The following TMEM266 variants were observed in gnomAD, a reference collection of about 807,000 sequenced individuals.
TMEM266 encodes the protein Hv1 related protein 1.
Under a neutral mutation model 50.5 loss-of-function variants are expected in TMEM266, and 33 were observed. The observed-to-expected ratio is 0.65, with a 90% CI of 0.50 to 0.87. The LOEUF is 0.87. Among genes scored for constraint, TMEM266 ranks in the 40% least tolerant of loss-of-function variants. TMEM266 has a pLI of 0.00. For missense variants in TMEM266, 655 were observed against 695.1 expected, an observed-to-expected ratio of 0.94 and a Z score of 0.65; for synonymous variants, 310 against 292.3, an observed-to-expected ratio of 1.06 and a Z score of -0.62.
chr15:76,171,218 A>G, intron 7 of TMEM266, 87 bp downstream of exon 7: 1 of 1,533,052 alleles, frequency 6.5e-7, no homozygotes, highest in South Asian at 1.2e-5. Context: ...TGATGGGGGT[A>G]CACCCTGCTG....
At chr15:76,089,001 T>C (rs893028473) in intron 1 of TMEM266, among the ~76,000 whole-genome samples, 76 of 134,094 alleles carry the variant, frequency 5.7e-4, no homozygotes, top group Admixed American at 1.0e-3. Context: ...AGCTGAGGCA[T>C]GAGAATCGCT....
At chr15:76,194,450 T>C (rs1048926138) in intron 9 of TMEM266, among the ~76,000 whole-genome samples, 1 of 152,230 alleles carries the variant, frequency 6.6e-6, no homozygotes, top group Non-Finnish European at 1.5e-5. Context: ...CCACCTTTCC[T>C]GGTTCCCTGT....
intron 8 of TMEM266, among the ~76,000 whole-genome samples, chr15:76,187,985 CTGGAGCTCTCACT>C (rs2038513973): frequency 6.6e-6 from 1 of 152,114 alleles, no homozygotes; most frequent in South Asian, 2.1e-4. Flanking sequence ...CAGGGGTGTG[CTGGAGCTCTCACT>C]TGCTCACGAG....
Position 76,064,076 on chromosome 15 carries a change from C to T in TMEM266, c.-97+4060C>T, listed in dbSNP as rs117792627. On this transcript the variant is annotated intron_variant, in intron 1 of 10. Coordinates refer to ENST00000388942, the MANE Select transcript of TMEM266 (RefSeq NM_152335.3). ...TGTGGGTTCCCTTGTAATGGGAATG[C>T]ATAATGTTTTTGAAGAACTTCCAAA... Among the ~76,000 whole-genome samples the T allele has an allele frequency of 5.6e-4, 85 of 152,216 alleles. 1 individual carries two copies. In the East Asian group the frequency reaches 0.015, roughly 27 times the overall value.
At position 76,204,360 on chromosome 15, in the gene TMEM266, A is replaced by C. The variant is rs375376943; in HGVS notation, c.*45A>C. 2.6e-6 allele frequency: 4 copies of C among 1,531,036 alleles called. No individual in the cohort carries two copies. Among genetic ancestry groups the C allele is most frequent in the Non-Finnish European group, 3.5e-6 (4 of 1,128,224 alleles). The allele number at this position is 1,531,036 out of a possible 1,614,324, so 94.8% of individuals were successfully genotyped here. A position where few individuals can be genotyped will look rare whatever the true frequency, so the allele number is the denominator to read the frequency against. On this transcript the variant is annotated 3_prime_UTR_variant, in exon 11 of 11. Transcript: ENST00000388942. ...GAGATGAGGGGAGACAGCCATCTCA[A>C]AGCTCTCCTGGGACCCTGGAGGCTG...
At chr15:76,174,068 A>C (rs1326391448) in intron 7 of TMEM266, among the ~76,000 whole-genome samples, 1 of 152,068 alleles carries the variant, frequency 6.6e-6, no homozygotes, top group Non-Finnish European at 1.5e-5. Context: ...GCTCTGCTGC[A>C]CTTAGCCTAC....
intron 3 of TMEM266, among the ~76,000 whole-genome samples, chr15:76,148,188 C>A (rs2037786064): frequency 1.3e-5 from 2 of 152,136 alleles, no homozygotes; most frequent in Non-Finnish European, 2.9e-5. Context: ...GTGGCCACGT[C>A]CGGCAAGGAA....
chr15:76,128,390 T>C (rs1419774733), intron 1 of TMEM266, among the ~76,000 whole-genome samples: 2 of 152,214 alleles, frequency 1.3e-5, no homozygotes, highest in Non-Finnish European at 2.9e-5. Flanking sequence ...CAGATCTCGC[T>C]GGAACACATA....
intron 1 of TMEM266, among the ~76,000 whole-genome samples, chr15:76,084,178 G>T (rs921095731): frequency 6.6e-6 from 1 of 152,130 alleles, no homozygotes; most frequent in African/African-American, 2.4e-5. Context: ...GCCTGGTGTG[G>T]TGATACATGC....
intron 10 of TMEM266, 152 bp from the exon 11 acceptor site, chr15:76,203,589 G>T: frequency 1.4e-6 from 1 of 690,534 alleles, no homozygotes. Flanking sequence ...AGAACTGGGA[G>T]GGAGTTCTAC....
intron 1 of TMEM266, among the ~76,000 whole-genome samples, chr15:76,100,327 T>C (rs1328769244): frequency 2.0e-5 from 3 of 152,230 alleles, no homozygotes; most frequent in Admixed American, 2.0e-4. Flanking sequence ...TGGATTACTT[T>C]CATAATTTAA....
At chr15:76,060,968 G>T (rs2036290318) in intron 1 of TMEM266, among the ~76,000 whole-genome samples, 1 of 152,088 alleles carries the variant, frequency 6.6e-6, no homozygotes, top group African/African-American at 2.4e-5. Context: ...TATATGATTT[G>T]TTTATATTCC....
Position 76,204,029 on chromosome 15 carries a change from A to G in TMEM266, c.1310A>G (p.Glu437Gly). The change falls in exon 11 of 11, where the codon GAG (glutamate) becomes GGG (glycine). Residue 437 changes from glutamate to glycine, a missense_variant. Physicochemically the swap from Glu to Gly is moderately conservative, Grantham distance 98. Transcript: ENST00000388942. ...CTGCCATCCCAGCAGCAGGTGGAGG[A>G]GGCCACAGTCCAGGACCTGCTGTCC... is the stretch of plus-strand genomic sequence containing the variant. 1 of 1,609,938 alleles carries G rather than the reference A, an allele frequency of 6.2e-7. No individual in the cohort carries two copies. Among genetic ancestry groups the G allele is most frequent in the Non-Finnish European group, 8.5e-7 (1 of 1,177,134 alleles).
At chr15:76,127,339 T>TA (rs1003318866) in intron 1 of TMEM266, among the ~76,000 whole-genome samples, 2 of 150,866 alleles carry the variant, frequency 1.3e-5, no homozygotes, top group African/African-American at 4.9e-5. Context: ...TTTTTTTTTT[T>TA]AATTTAAGAC....
At chr15:76,136,126 G>A (rs1357050525) in intron 2 of TMEM266, among the ~76,000 whole-genome samples, 1 of 152,156 alleles carries the variant, frequency 6.6e-6, no homozygotes, top group African/African-American at 2.4e-5. Context: ...TGTATTTTTA[G>A]TAGAGACGGT....
intron 3 of TMEM266, among the ~76,000 whole-genome samples, chr15:76,151,549 C>G (rs1198893188): frequency 2.0e-5 from 3 of 151,998 alleles, no homozygotes; most frequent in African/African-American, 4.8e-5. Flanking sequence ...AGGAAGGAGC[C>G]CAGAACCTAC....
At chr15:76,132,310 C>T (rs904726949) in intron 1 of TMEM266, among the ~76,000 whole-genome samples, 37 of 151,566 alleles carry the variant, frequency 2.4e-4, no homozygotes, top group Admixed American at 6.6e-5. Flanking sequence ...AGGGCTTCAC[C>T]GTGTTAGCCA....
intron 8 of TMEM266, among the ~76,000 whole-genome samples, chr15:76,191,004 G>C (rs939494887): frequency 6.6e-6 from 1 of 152,226 alleles, no homozygotes; most frequent in African/African-American, 2.4e-5. Context: ...TAAACTCCTC[G>C]TTGGCCCAGA....
chr15:76,097,042 A>G (rs1171130270), intron 1 of TMEM266, among the ~76,000 whole-genome samples: 3 of 151,312 alleles, frequency 2.0e-5, no homozygotes, highest in East Asian at 3.9e-4. Flanking sequence ...AATACAGCAC[A>G]CAGATGGGTC....
Sources: allele counts gnomAD v4.1 joint callset (sites outside exome capture counted in the v4.1 genomes callset), GRCh38; gene constraint gnomAD v4.1.1; transcripts MANE v1.5; gene names NCBI Gene and HGNC (gene_info 2026-07-23, HGNC 2026-07-21).